Variants in ABL2 observed in about 807,000 individuals in gnomAD.
The protein encoded by ABL2 is ABL proto-oncogene 2, non-receptor tyrosine kinase.
ABL2 carries 49 observed loss-of-function variants against 107.7 expected under a neutral mutation model. The ratio of observed to expected loss-of-function variants is 0.45; its 90% CI spans 0.36 to 0.58. ABL2 has a LOEUF of 0.58. Among genes scored for constraint, ABL2 ranks in the 20% least tolerant of loss-of-function variants. ABL2 has a pLI of 0.00. For synonymous variants in ABL2, 549 were observed against 548.6 expected (o/e 1.00, Z -0.01); for missense variants, 1,245 against 1,457.0 (o/e 0.85, Z 2.37).
In ABL2 at chr1:179,101,727, T is replaced by G. The variant is rs1458414140; in HGVS notation, c.*5991A>C. 5.4e-6 allele frequency: 1 copy of G among 184,322 alleles called. No homozygotes were observed. The highest frequency in any genetic ancestry group is 2.4e-5 in the African/African-American group (1 of 42,544). The allele number at this position is 184,322 out of a possible 1,614,324, so 11.4% of individuals were successfully genotyped here. On this transcript the variant is annotated 3_prime_UTR_variant, in exon 12 of 12. Transcript: ENST00000502732. ...GAATACATACCTCAGAGAGGTGGCA[T>G]GAAAAGCAGAAATTCATCCGTCTGC...
chr1:179,131,233 T>G (rs1656289791), intron 3 of ABL2, 78 bp downstream of exon 3: 5 of 1,490,872 alleles, frequency 3.4e-6, no homozygotes, highest in African/African-American at 2.8e-5. Flanking sequence ...TGTGAGCCAC[T>G]GTGCCTGGCC....
chr1:179,107,663 T>C lies in ABL2; in HGVS notation c.*55A>G. On this transcript the variant is annotated 3_prime_UTR_variant, in exon 12 of 12. Transcript: ENST00000502732. ...GAAAACAAGAACACAGGAAAACAAG[T>C]CCTTTTCCCTCTCCCCTCAGAAATG... 6.5e-7 allele frequency: 1 copy of C among 1,530,672 alleles called. No homozygotes were observed. The highest frequency in any genetic ancestry group is 8.8e-7 in the Non-Finnish European group (1 of 1,140,642). The allele number at this position is 1,530,672 out of a possible 1,614,324, so 94.8% of individuals were successfully genotyped here.
chr1:179,109,430 C>G lies in ABL2; in HGVS notation c.1837G>C (p.Gly613Arg). The change falls in exon 12 of 12, where the codon GGT (glycine) becomes CGT (arginine). Residue 613 changes from glycine (G) to arginine (R), a missense_variant. Around this residue, in one of 3 missense-constraint regions of ABL2, gnomAD observed 761 missense variants for 766.4 expected, o/e 0.99. Coordinates refer to ENST00000502732, the MANE Select transcript of ABL2 (RefSeq NM_007314.4). ...GGGGATCCACTAGAGGCCTGTGCACCTCTGATGAACCCTGATGAGAAATGG... is the reference window on the plus strand; with the variant it reads ...GGGGATCCACTAGAGGCCTGTGCACGTCTGATGAACCCTGATGAGAAATGG... ...ASSLAPGFIR[G>R]AQASSGSPAL... The G allele has an allele frequency of 8.7e-6, 14 of 1,610,360 alleles. No homozygotes were observed. The highest frequency in any genetic ancestry group is 1.2e-5 in the Non-Finnish European group (14 of 1,178,738).
chr1:179,117,203 T>C (rs1251751426), intron 8 of ABL2, 129 bp downstream of exon 8: 7 of 964,312 alleles, frequency 7.3e-6, no homozygotes, highest in Middle Eastern at 2.1e-4. Flanking sequence ...AAATGCTTGC[T>C]GAATAACTGA....
In ABL2 at chr1:179,147,181, C is replaced by CAAAAAAAAAAAAAAAAAA. The variant is rs58297805; in HGVS notation, c.158-13825_158-13808dup. Reference sequence around the variant, plus strand: ...CCAATCACTAATCATCAGAGAAATGCAAAAAAAAAAAAAAAAAAAAAAAAA... The same window carrying CAAAAAAAAAAAAAAAAAA: ...CCAATCACTAATCATCAGAGAAATGCAAAAAAAAAAAAAAAAAAAAAAAAAAAAAAAAAAAAAAAAAAA... On this transcript the variant is annotated intron_variant, in intron 1 of 11. Coordinates refer to ENST00000502732, the MANE Select transcript of ABL2 (RefSeq NM_007314.4). Among the ~76,000 whole-genome samples, 17 of 50,536 alleles carry CAAAAAAAAAAAAAAAAAA rather than the reference C, an allele frequency of 3.4e-4. 5 individuals are homozygous for CAAAAAAAAAAAAAAAAAA. Among genetic ancestry groups the CAAAAAAAAAAAAAAAAAA allele is most frequent in the East Asian group, 1.5e-3 (2 of 1,320 alleles). 33.2% of individuals were successfully genotyped at this position (50,536 alleles called of 152,430 possible).
rs535478758 is a variant in ABL2, at chr1:179,220,141, C to T, written c.157+9100G>A. The stretch of plus-strand genomic sequence containing the variant: ...AGACTTGGAGACAAAACTATCAGTC[C>T]CAGCTCTATCATTTAACAGCTATGT... On this transcript the variant is annotated intron_variant, in intron 1 of 11. Transcript: ENST00000502732. Among the ~76,000 whole-genome samples, 23 of 152,252 alleles carry T rather than the reference C, an allele frequency of 1.5e-4. No homozygotes were observed. The South Asian group carries it at 3.7e-3, about 25-fold the overall frequency.
intron 1 of ABL2, chr1:179,184,065 C>G (rs1660544918): frequency 3.8e-6 from 1 of 260,520 alleles, no homozygotes. Flanking sequence ...TAAACTCTGT[C>G]AGCCACTTTT....
intron 7 of ABL2, among the ~76,000 whole-genome samples, chr1:179,118,313 G>C (rs1654853877): frequency 6.6e-6 from 1 of 152,144 alleles, no homozygotes; most frequent in African/African-American, 2.4e-5. Context: ...AGTAGTTTGA[G>C]ACCAGCCTGG....
chr1:179,191,113 G>A (rs1183843264), intron 1 of ABL2, among the ~76,000 whole-genome samples: 1 of 152,120 alleles, frequency 6.6e-6, no homozygotes, highest in Non-Finnish European at 1.5e-5. Context: ...AAGGCCACAG[G>A]AAGAACGTCA....
At chr1:179,147,204 A>AAC (rs1270698646) in intron 1 of ABL2, among the ~76,000 whole-genome samples, 1 of 147,822 alleles carries the variant, frequency 6.8e-6, no homozygotes, top group Non-Finnish European at 1.5e-5. Flanking sequence ...AAAAAAAAAA[A>AAC]AAAACCAACT....
rs940333323 is a variant in ABL2, at chr1:179,126,686, C to T, written c.392-14G>A. 2 of 1,600,954 alleles carry T rather than the reference C, an allele frequency of 1.2e-6. No individual in the cohort carries two copies. Among genetic ancestry groups the T allele is most frequent in the African/African-American group, 1.3e-5 (1 of 74,592 alleles). On this transcript the variant is annotated splice_polypyrimidine_tract_variant and intron_variant, in intron 3 of 11. Transcript: ENST00000502732. The surrounding 1 kb of genome is among the most constrained non-coding windows in gnomAD (Gnocchi z 4.4). Reference sequence around the variant, plus strand: ...GTAGCTTTTCACCTAGCCATAAGGTCATCACAGGATGAAAGAAACGATGTT... The same window carrying T: ...GTAGCTTTTCACCTAGCCATAAGGTTATCACAGGATGAAAGAAACGATGTT...
intron 5 of ABL2, among the ~76,000 whole-genome samples, chr1:179,120,832 A>C (rs984026832): frequency 2.0e-4 from 30 of 152,332 alleles, no homozygotes; most frequent in Non-Finnish European, 3.4e-4. Flanking sequence ...GAAACACAGG[A>C]GCCCTGTATT....
In ABL2 at chr1:179,229,665, C is replaced by CCGCCG; in HGVS notation, c.-269_-268insCGGCG. 1 of 475,136 alleles carries CCGCCG rather than the reference C, an allele frequency of 2.1e-6. No individual in the cohort carries two copies. The highest frequency in any genetic ancestry group is 2.1e-5 in the African/African-American group (1 of 48,316). 29.4% of individuals were successfully genotyped at this position (475,136 alleles called of 1,614,324 possible). Reference sequence around the variant, plus strand: ...GCCGCCGCCGCCGCCACCGCCGCCGCCATCTTTAAACCACCGAGCGCTGGG... The same window carrying CCGCCG: ...GCCGCCGCCGCCGCCACCGCCGCCGCCGCCGCATCTTTAAACCACCGAGCGCTGGG... On this transcript the variant is annotated 5_prime_UTR_variant, in exon 1 of 12. It removes the in-frame stop codon of an upstream open reading frame in the 5' UTR. Transcript: ENST00000502732.
chr1:179,120,489 G>C (rs28914539), intron 5 of ABL2, among the ~76,000 whole-genome samples: 111 of 152,158 alleles, frequency 7.3e-4, no homozygotes, highest in Non-Finnish European at 1.4e-3. Context: ...GGGTGAAGTG[G>C]TGTGATCTCA....
intron 1 of ABL2, among the ~76,000 whole-genome samples, chr1:179,194,987 T>C (rs1042717736): frequency 1.8e-4 from 27 of 152,098 alleles, no homozygotes. Flanking sequence ...GGGAAATGCA[T>C]ATCAAAACGA....
rs1486081526 is a variant in ABL2 at position 179,105,852 on chromosome 1, T to C, written c.*1866A>G. 4.4e-6 allele frequency: 1 copy of C among 225,260 alleles called. No individual in the cohort carries two copies. Among genetic ancestry groups the C allele is most frequent in the Admixed American group, 5.7e-5 (1 of 17,502 alleles). The allele number at this position is 225,260 out of a possible 1,614,324, so 14.0% of individuals were successfully genotyped here. A position where few individuals can be genotyped will look rare whatever the true frequency, so the allele number is the denominator to read the frequency against. The stretch of plus-strand genomic sequence containing the variant: ...TCTCAACAATTCTTAATTTCATTAA[T>C]ATTTTCTACTCAGCAAATAAGATAA... On this transcript the variant is annotated 3_prime_UTR_variant, in exon 12 of 12. Transcript: ENST00000502732.
At chr1:179,228,484 A>G (rs1663358006) in intron 1 of ABL2, among the ~76,000 whole-genome samples, 5 of 152,344 alleles carry the variant, frequency 3.3e-5, no homozygotes, top group East Asian at 1.9e-4. Flanking sequence ...GTATGTATGT[A>G]TATGGGCACA....
chr1:179,151,456 ATATTT>A (rs1665213993), intron 1 of ABL2, among the ~76,000 whole-genome samples: 1 of 152,214 alleles, frequency 6.6e-6, no homozygotes, highest in African/African-American at 2.4e-5. Context: ...CCTCTATACT[ATATTT>A]AATATAATTT....
intron 1 of ABL2, among the ~76,000 whole-genome samples, chr1:179,167,028 C>A (rs1659427966): frequency 1.3e-5 from 2 of 152,060 alleles, no homozygotes; most frequent in African/African-American, 4.8e-5. Flanking sequence ...AACTACCACA[C>A]GATCCTGCAA....
Sources: gnomAD v4.1 joint callset for allele counts (sites outside exome capture counted in the v4.1 genomes callset) on GRCh38, gnomAD v4.1.1 for gene constraint, gnomAD v4.1.1 regional missense constraint, Gnocchi (gnomAD v3.1) non-coding constraint, MANE v1.5 for transcripts, NCBI Gene and HGNC (gene_info 2026-07-23, HGNC 2026-07-21) for gene names.